The following MPHOSPH9 variants were observed in gnomAD, a reference collection of about 807,000 sequenced individuals.
The protein encoded by MPHOSPH9 is M-phase phosphoprotein 9.
In MPHOSPH9, 88 loss-of-function variants were observed where a neutral mutation model predicts 145.5. The observed-to-expected ratio is 0.60, with a 90% CI of 0.51 to 0.72. The LOEUF (loss-of-function observed/expected upper bound fraction) is 0.72. MPHOSPH9 is among the 30% of genes least tolerant of loss of function. The probability of loss-of-function intolerance (pLI) is 0.00; values close to 1 mark genes in which losing one functional copy is unlikely to be tolerated. For missense variants in MPHOSPH9, 1,238 were observed against 1,386.6 expected, an observed-to-expected ratio of 0.89 and a Z score of 1.70; for synonymous variants, 435 against 486.2, an observed-to-expected ratio of 0.89 and a Z score of 1.39.
At chr12:123,194,777 C>A (rs1593156211) in intron 12 of MPHOSPH9, among the ~76,000 whole-genome samples, 176 bp from the exon 13 acceptor site, 1 of 151,828 alleles carries the variant, frequency 6.6e-6, no homozygotes, top group South Asian at 2.1e-4. Context: ...CCCACCATCA[C>A]CCCTGGCTAA....
intron 11 of MPHOSPH9, 36 bp from the exon 12 acceptor site, chr12:123,198,370 A>G: frequency 6.7e-7 from 1 of 1,484,258 alleles, no homozygotes. Flanking sequence ...TTAGAAGATA[A>G]AATTATTACC....
At chr12:123,200,783 C>T (rs189215976) in intron 11 of MPHOSPH9, among the ~76,000 whole-genome samples, 14 of 151,970 alleles carry the variant, frequency 9.2e-5, no homozygotes, top group South Asian at 4.2e-4. Flanking sequence ...CTCAGCCTCC[C>T]GAGTATCTGG....
chr12:123,173,736 G>A (rs923809971), intron 16 of MPHOSPH9, among the ~76,000 whole-genome samples: 3 of 152,214 alleles, frequency 2.0e-5, no homozygotes, highest in Non-Finnish European at 4.4e-5. Context: ...TACTGGGAAA[G>A]AAACTCCTGT....
chr12:123,176,790 C>T lies in MPHOSPH9; in HGVS notation c.2355-1G>A. ...CTGAGCTTCAAGTTTTGAAATCATT[C>T]TAATTCAAAAGCAATAAAGATAAAT... On this transcript the variant is annotated splice_acceptor_variant, in intron 15 of 23. Transcript: ENST00000606320. LOFTEE classifies it high-confidence loss of function. The T allele has an allele frequency of 4.4e-6, 7 of 1,596,762 alleles. No individual in the cohort carries two copies. The highest frequency in any genetic ancestry group is 6.0e-6 in the Non-Finnish European group (7 of 1,164,832).
exon 1 of MPHOSPH9, chr12:123,243,891 C>T (rs1174782997): frequency 6.6e-6 from 1 of 152,206 alleles, no homozygotes; most frequent in African/African-American, 2.4e-5. Flanking sequence ...CATCCTGCTT[C>T]CTCCTCAGTG....
intron 1 of MPHOSPH9, among the ~76,000 whole-genome samples, chr12:123,241,641 ATT>A (rs2047939299): frequency 6.6e-6 from 1 of 151,554 alleles, no homozygotes; most frequent in African/African-American, 2.4e-5. Context: ...TGCCCAGCCT[ATT>A]TTGTTTTTTA....
chr12:123,158,507 G>C (rs931836715), intron 23 of MPHOSPH9, among the ~76,000 whole-genome samples: 1 of 152,144 alleles, frequency 6.6e-6, no homozygotes, highest in South Asian at 2.1e-4. Flanking sequence ...TCAAGGGGCT[G>C]AGGCCTCAGA....
chr12:123,228,542 G>C (rs1029813681), intron 2 of MPHOSPH9, among the ~76,000 whole-genome samples: 2 of 152,150 alleles, frequency 1.3e-5, no homozygotes, highest in African/African-American at 4.8e-5. Flanking sequence ...CAAAAAATTA[G>C]CCGGGTGTGG....
chr12:123,153,764 CAAAAAAAAAAAA>C (rs57564688), downstream of MPHOSPH9, among the ~76,000 whole-genome samples: 1 of 109,340 alleles, frequency 9.1e-6, no homozygotes, highest in African/African-American at 4.7e-5. Context: ...GACTCCATCT[CAAAAAAAAAAAA>C]AAAAAAAAAA....
At chr12:123,158,205 G>A (rs949377593) in intron 23 of MPHOSPH9, among the ~76,000 whole-genome samples, 1 of 152,072 alleles carries the variant, frequency 6.6e-6, no homozygotes, top group Non-Finnish European at 1.5e-5. Context: ...GGCCAAGCTG[G>A]TCTTGAACTC....
At chr12:123,168,155 T>G (rs1054345750) in intron 16 of MPHOSPH9, among the ~76,000 whole-genome samples, 26 of 151,972 alleles carry the variant, frequency 1.7e-4, no homozygotes, top group Non-Finnish European at 2.9e-4. Context: ...TCACGATACT[T>G]TCTCTCTCAC....
At position 123,222,151 on chromosome 12, in the gene MPHOSPH9, G is replaced by A. The variant is rs190909473; in HGVS notation, c.349-256C>T. On this transcript the variant is annotated intron_variant, in intron 4 of 23. Coordinates refer to ENST00000606320, the MANE Select transcript of MPHOSPH9 (RefSeq NM_022782.4). The stretch of plus-strand genomic sequence containing the variant: ...AGCTCAAGACCAGCTTGGCCAACAC[G>A]GTGAAACTCTGACTCTACTAAAAAT... Among the ~76,000 whole-genome samples, 260 of 151,470 alleles carry A rather than the reference G, an allele frequency of 1.7e-3. 3 individuals are homozygous for A. Among genetic ancestry groups the A allele is most frequent in the African/African-American group, 5.5e-3 (229 of 41,272 alleles).
intron 1 of MPHOSPH9, among the ~76,000 whole-genome samples, chr12:123,239,142 G>A (rs1188523505): frequency 2.0e-5 from 3 of 152,118 alleles, no homozygotes; most frequent in Non-Finnish European, 4.4e-5. Flanking sequence ...GCTGGTACAT[G>A]CCTGTAGTTC....
intron 23 of MPHOSPH9, 169 bp downstream of exon 23, chr12:123,160,612 A>T (rs1449121307): frequency 1.8e-6 from 1 of 564,356 alleles, no homozygotes; most frequent in East Asian, 2.9e-5. Context: ...GCTAGCTTGC[A>T]GTTATAAAAT....
chr12:123,161,358 G>A lies in MPHOSPH9; in HGVS notation c.3159C>T (p.Thr1053=), dbSNP rs756649594. The A allele has an allele frequency of 1.2e-4, 187 of 1,613,872 alleles. 1 individual carries two copies. The South Asian group carries it at 1.6e-3, about 14-fold the overall frequency. Residue 1053 remains threonine (T), a synonymous_variant, in exon 22 of 24, where the codon ACC becomes ACT. Transcript: ENST00000606320. ...SEEKTYSEKA[T]DNHVNHSSCP... ...AAGAGCTATGATTAACATGGTTATC[G>A]GTGGCTTTCTCAGAATAAGTTTTTT... is the stretch of plus-strand genomic sequence containing the variant.
intron 7 of MPHOSPH9, among the ~76,000 whole-genome samples, chr12:123,212,122 A>C (rs2046750076): frequency 1.3e-5 from 2 of 152,174 alleles, no homozygotes; most frequent in Admixed American, 6.6e-5. Context: ...TAAATCATGC[A>C]GTATATAGGT....
chr12:123,175,152 CT>C (rs781777794), intron 16 of MPHOSPH9, among the ~76,000 whole-genome samples: 410 of 145,378 alleles, frequency 2.8e-3, no homozygotes, highest in African/African-American at 7.5e-3. Context: ...CAAGATCTAA[CT>C]TTTTTTTTTT....
chr12:123,198,346 A>C lies in MPHOSPH9; in HGVS notation c.1938-12T>G. On this transcript the variant is annotated splice_polypyrimidine_tract_variant and intron_variant, in intron 11 of 23. Coordinates refer to ENST00000606320, the MANE Select transcript of MPHOSPH9 (RefSeq NM_022782.4). Reference sequence around the variant, plus strand: ...CTAATTGGCCACATCTAAAAACCATAAATTTAGCTTCAATTAGAAGATAAA... The same window carrying C: ...CTAATTGGCCACATCTAAAAACCATCAATTTAGCTTCAATTAGAAGATAAA... 1 of 1,599,374 alleles carries C rather than the reference A, an allele frequency of 6.3e-7. No homozygotes were observed. Among genetic ancestry groups the C allele is most frequent in the Non-Finnish European group, 8.5e-7 (1 of 1,170,338 alleles).
chr12:123,175,752 T>C (rs934244142), intron 16 of MPHOSPH9, among the ~76,000 whole-genome samples: 1 of 145,122 alleles, frequency 6.9e-6, no homozygotes, highest in Non-Finnish European at 1.5e-5. Flanking sequence ...AGGCCTTCCC[T>C]GGTCCCCAAC....
Sources: allele counts gnomAD v4.1 joint callset (sites outside exome capture counted in the v4.1 genomes callset), GRCh38; gene constraint gnomAD v4.1.1; transcripts MANE v1.5; gene names NCBI Gene and HGNC (gene_info 2026-07-23, HGNC 2026-07-21).